ATF7IP: variants seen among roughly 807,000 people sequenced by gnomAD.
ATF7IP encodes activating transcription factor 7-interacting protein 1.
In ATF7IP, 23 loss-of-function variants were observed where a neutral mutation model predicts 106.4. That is an observed-to-expected ratio of 0.22 (90% CI 0.16 to 0.31). The LOEUF is 0.31. Ranked by LOEUF, ATF7IP falls within the 10% of genes least tolerant of loss-of-function variation. The pLI is 1.00. For synonymous variants in ATF7IP, 542 were observed against 539.0 expected (o/e 1.01, Z -0.08); for missense variants, 1,334 against 1,524.3 (o/e 0.88, Z 2.08).
chr12:14,488,786 C>A (rs1175823643), intron 13 of ATF7IP, among the ~76,000 whole-genome samples: 3 of 152,128 alleles, frequency 2.0e-5, no homozygotes, highest in Non-Finnish European at 4.4e-5. Context: ...GCGCACCAAT[C>A]CCCAAGCCAA....
chr12:14,396,511 A>G (rs942180814), intron 1 of ATF7IP, among the ~76,000 whole-genome samples: 4 of 152,152 alleles, frequency 2.6e-5, no homozygotes, highest in African/African-American at 7.2e-5. Flanking sequence ...TCAGTAAACA[A>G]TTTCCCTATG....
At chr12:14,468,989 A>G (rs565176347) in intron 10 of ATF7IP, among the ~76,000 whole-genome samples, 30 of 152,292 alleles carry the variant, frequency 2.0e-4, no homozygotes, top group African/African-American at 7.0e-4. Flanking sequence ...GTCACATTTT[A>G]AGTACAATTG....
chr12:14,446,516 T>C (rs1182719516), intron 5 of ATF7IP, among the ~76,000 whole-genome samples: 1 of 152,220 alleles, frequency 6.6e-6, no homozygotes, highest in Non-Finnish European at 1.5e-5. Flanking sequence ...AAAAGTAATA[T>C]ATGAGCATTC....
At chr12:14,432,860 G>A (rs1177448632) in intron 2 of ATF7IP, among the ~76,000 whole-genome samples, 1 of 152,112 alleles carries the variant, frequency 6.6e-6, no homozygotes, top group East Asian at 1.9e-4. Flanking sequence ...AATGACGTAA[G>A]GGGGAAAATA....
At chr12:14,370,313 CAG>C (rs1475954188) in intron 1 of ATF7IP, among the ~76,000 whole-genome samples, 1 of 152,124 alleles carries the variant, frequency 6.6e-6, no homozygotes, top group Non-Finnish European at 1.5e-5. Context: ...AAAGTTTAAA[CAG>C]AGGTTGACAA....
chr12:14,486,307 GTAGTCCCTGAAA>G (rs1272387811), intron 13 of ATF7IP, among the ~76,000 whole-genome samples: 1 of 152,174 alleles, frequency 6.6e-6, no homozygotes, highest in Non-Finnish European at 1.5e-5. Flanking sequence ...CCAGTGTCCA[GTAGTCCCTGAAA>G]TGTCTGGTCA....
chr12:14,418,556 G>A (rs1941324285), intron 1 of ATF7IP, among the ~76,000 whole-genome samples: 1 of 152,178 alleles, frequency 6.6e-6, no homozygotes, highest in Non-Finnish European at 1.5e-5. Flanking sequence ...TGGTATTACA[G>A]CCATGGAAAC....
chr12:14,413,220 C>T (rs1048165661), intron 1 of ATF7IP, among the ~76,000 whole-genome samples: 3 of 152,064 alleles, frequency 2.0e-5, no homozygotes, highest in Non-Finnish European at 4.4e-5. Flanking sequence ...AGGAAATCCT[C>T]TTCTATTCTT....
chr12:14,416,519 T>A (rs927661851), intron 1 of ATF7IP, among the ~76,000 whole-genome samples: 29 of 152,238 alleles, frequency 1.9e-4, no homozygotes, highest in African/African-American at 7.0e-4. Context: ...TACTTTGAAT[T>A]AATACAGCAT....
chr12:14,477,600 T>G (rs957190249), intron 11 of ATF7IP, among the ~76,000 whole-genome samples: 2 of 152,242 alleles, frequency 1.3e-5, no homozygotes, highest in Non-Finnish European at 2.9e-5. Flanking sequence ...GCCCCACCTT[T>G]GGGTCTGTCT....
rs147232496 is a variant in ATF7IP, at chr12:14,378,880, G to C, written c.-8+13053G>C. Among the ~76,000 whole-genome samples, 342 of 152,268 alleles carry C rather than the reference G, an allele frequency of 2.2e-3. 1 individual carries two copies. Among genetic ancestry groups the C allele is most frequent in the African/African-American group, 7.9e-3 (328 of 41,538 alleles). On this transcript the variant is annotated intron_variant, in intron 1 of 14. Coordinates refer to ENST00000261168, the MANE Select transcript of ATF7IP (RefSeq NM_018179.5). ...AATAATCTTTGATATTTATTTAAAA[G>C]ACTTAATTTATAAGACACAATTCCT...
At chr12:14,495,794 G>A (rs1944993485) in intron 13 of ATF7IP, among the ~76,000 whole-genome samples, 1 of 152,164 alleles carries the variant, frequency 6.6e-6, no homozygotes, top group Non-Finnish European at 1.5e-5. Flanking sequence ...CAGTTTGTCT[G>A]TCTTTTGAGT....
chr12:14,416,817 C>T (rs990170252), intron 1 of ATF7IP: 12 of 690,622 alleles, frequency 1.7e-5, no homozygotes, highest in Middle Eastern at 7.2e-4. Flanking sequence ...TAGACTATTT[C>T]GGCTTTGAGC....
rs1354445306 is a variant in ATF7IP, at chr12:14,424,204, G to A, written c.289G>A (p.Val97Ile). The change falls in exon 2 of 15, where the codon GTT becomes ATT. Residue 97 changes from valine to isoleucine, a missense_variant. Around this residue, in one of 10 missense-constraint regions of ATF7IP, gnomAD observed 438 missense variants for 405.3 expected, o/e 1.08. Transcript: ENST00000261168. ...EWKETPCILS[V>I]NVKNKQDDDL... Reference sequence around the variant, plus strand: ...GAAGGAAACACCCTGTATCCTAAGTGTTAATGTAAAAAACAAGCAGGATGA... The same window carrying A: ...GAAGGAAACACCCTGTATCCTAAGTATTAATGTAAAAAACAAGCAGGATGA... The A allele has an allele frequency of 6.2e-7, 1 of 1,614,182 alleles. No individual in the cohort carries two copies. The highest frequency in any genetic ancestry group is 1.1e-5 in the South Asian group (1 of 91,088).
At chr12:14,404,132 C>CTTT (rs11344521) in intron 1 of ATF7IP, among the ~76,000 whole-genome samples, 2 of 146,486 alleles carry the variant, frequency 1.4e-5, no homozygotes, top group Admixed American at 6.8e-5. Flanking sequence ...CATTTGTAAG[C>CTTT]TTTTTTTTTT....
chr12:14,381,528 G>A (rs887352971), intron 1 of ATF7IP, among the ~76,000 whole-genome samples: 17 of 152,250 alleles, frequency 1.1e-4, no homozygotes, highest in Admixed American at 3.3e-4. Context: ...ATCGTGTCCG[G>A]CTGGTCCTGC....
At chr12:14,478,193 T>C (rs991647626) in intron 11 of ATF7IP, 124 bp from the exon 12 acceptor site, 2 of 842,732 alleles carry the variant, frequency 2.4e-6, no homozygotes, top group Admixed American at 4.9e-5. Context: ...GGAAATAAAT[T>C]ATTCTCTTAG....
chr12:14,466,510 T>C lies in ATF7IP; in HGVS notation c.2798-16T>C, dbSNP rs1428870042. 2 of 1,591,256 alleles carry C rather than the reference T, an allele frequency of 1.3e-6. No homozygotes were observed. Among genetic ancestry groups the C allele is most frequent in the Non-Finnish European group, 1.7e-6 (2 of 1,171,838 alleles). On this transcript the variant is annotated splice_polypyrimidine_tract_variant and intron_variant, in intron 9 of 14. Coordinates refer to ENST00000261168, the MANE Select transcript of ATF7IP (RefSeq NM_018179.5). ...TTTTGTAGATGTTTTTAAAAATGGC[T>C]TTTTTTACTTTTCAGAAAACCAGAC...
intron 1 of ATF7IP, among the ~76,000 whole-genome samples, chr12:14,373,866 G>A (rs897261987): frequency 2.0e-5 from 3 of 151,798 alleles, no homozygotes; most frequent in African/African-American, 7.3e-5. Flanking sequence ...CTCTCTGCTT[G>A]CCGTTGAAAA....
Sources: gnomAD v4.1 joint callset for allele counts (sites outside exome capture counted in the v4.1 genomes callset) on GRCh38, gnomAD v4.1.1 for gene constraint, gnomAD v4.1.1 regional missense constraint, MANE v1.5 for transcripts, NCBI Gene and HGNC (gene_info 2026-07-23, HGNC 2026-07-21) for gene names.